Variants in RAD51 observed in about 807,000 individuals in gnomAD.
RAD51 encodes RAD51 recombinase.
RAD51 carries 14 observed loss-of-function variants against 41.5 expected under a neutral mutation model. The ratio of observed to expected loss-of-function variants is 0.34; its 90% confidence interval spans 0.22 to 0.53. RAD51 has a LOEUF of 0.53. Ranked by LOEUF, RAD51 falls within the 20% of genes least tolerant of loss-of-function variation. The pLI, the probability that RAD51 is intolerant of heterozygous loss-of-function variation, is 0.95. For synonymous variants in RAD51, 136 were observed against 148.6 expected (o/e 0.92, Z 0.62); for missense variants, 234 against 422.0 (o/e 0.55, Z 3.90).
chr15:40,714,633 T>C (rs1348442152), intron 5 of RAD51, among the ~76,000 whole-genome samples: 1 of 152,216 alleles, frequency 6.6e-6, no homozygotes, highest in Non-Finnish European at 1.5e-5. Context: ...AGAAAAAGAA[T>C]GCTAATTAAT....
intron 3 of RAD51, among the ~76,000 whole-genome samples, chr15:40,704,691 A>C (rs545814289): frequency 7.7e-6 from 1 of 129,428 alleles, no homozygotes; most frequent in African/African-American, 3.0e-5. Flanking sequence ...TTTTTTTGAG[A>C]TGGAATCTCG....
At chr15:40,699,013 A>G (rs1894824681) in intron 2 of RAD51, among the ~76,000 whole-genome samples, 168 bp downstream of exon 2, 1 of 152,206 alleles carries the variant, frequency 6.6e-6, no homozygotes, top group Non-Finnish European at 1.5e-5. Context: ...GATCATTGCT[A>G]AATATGTCTG....
chr15:40,727,669 A>G (rs11633269), intron 6 of RAD51, among the ~76,000 whole-genome samples: 74,766 of 151,190 alleles, frequency 0.49, 19,253 homozygotes, highest in East Asian at 0.77. Context: ...AAGTACTTAC[A>G]CCTGTTACAT....
At position 40,725,625 on chromosome 15, in the gene RAD51, A is replaced by T. The variant is rs554944085; in HGVS notation, c.531-3086A>T. ...ACTTGAGAACTTGTTAGAAATGCAA[A>T]TTGTCTGATGGGACTTCAGATCTAC... On this transcript the variant is annotated intron_variant, in intron 6 of 9. Coordinates refer to ENST00000267868, the MANE Select transcript of RAD51 (RefSeq NM_002875.5). Among the ~76,000 whole-genome samples the T allele has an allele frequency of 3.3e-3, 509 of 152,268 alleles. 2 individuals carry two copies. The highest frequency in any genetic ancestry group is 6.3e-3 in the Non-Finnish European group (427 of 68,006).
At chr15:40,706,691 ACT>A (rs1237802143) in intron 4 of RAD51, among the ~76,000 whole-genome samples, 3 of 151,962 alleles carry the variant, frequency 2.0e-5, no homozygotes, top group East Asian at 1.9e-4. Context: ...GACGAGCAAA[ACT>A]CTGTCTCAAA....
rs1173725893 is a variant in RAD51 at position 40,716,660 on chromosome 15, T to C, written c.436-2145T>C. Among the ~76,000 whole-genome samples the C allele has an allele frequency of 1.1e-4, 15 of 137,624 alleles. No individual in the cohort carries two copies. In the South Asian group the frequency reaches 1.3e-3, roughly 11 times the overall value. 90.3% of individuals were successfully genotyped at this position (137,624 alleles called of 152,430 possible). A position where few individuals can be genotyped will look rare whatever the true frequency, so the allele number is the denominator to read the frequency against. ...CCCATGCCTGGCCTCTCTACTTCTT[T>C]TTTTTTTTTTTTTTTTTTGAGATGG... On this transcript the variant is annotated intron_variant, in intron 5 of 9. Coordinates refer to ENST00000267868, the MANE Select transcript of RAD51 (RefSeq NM_002875.5).
chr15:40,724,289 T>A (rs2141869079), intron 6 of RAD51, among the ~76,000 whole-genome samples: 1 of 152,338 alleles, frequency 6.6e-6, no homozygotes, highest in African/African-American at 2.4e-5. Context: ...GCATTCATAC[T>A]TTTAAGTATA....
At position 40,712,877 on chromosome 15, in the gene RAD51, C is replaced by CTTTTTTTT. The variant is rs398039433; in HGVS notation, c.435+3773_435+3780dup. 3.6e-3 allele frequency among the ~76,000 whole-genome samples: 374 copies of CTTTTTTTT among 103,838 alleles called. 2 individuals are homozygous for CTTTTTTTT. The highest frequency in any genetic ancestry group is 9.9e-3 in the East Asian group (31 of 3,120). The allele number at this position is 103,838 out of a possible 152,430, so 68.1% of individuals were successfully genotyped here. On this transcript the variant is annotated intron_variant, in intron 5 of 9. Coordinates refer to ENST00000267868, the MANE Select transcript of RAD51 (RefSeq NM_002875.5). ...GTTGAGTTTTTTTTTCTTTTCTTTT[C>CTTTTTTTT]TTTTTTTTTTTTTTTTTTTGAGAAA...
chr15:40,702,253 G>A (rs771041613), intron 3 of RAD51, among the ~76,000 whole-genome samples: 2 of 152,178 alleles, frequency 1.3e-5, no homozygotes, highest in African/African-American at 4.8e-5. Flanking sequence ...GACTAAGCCA[G>A]TAGGGGTCCC....
chr15:40,730,946 C>G (rs1323522257), intron 9 of RAD51, 109 bp from the exon 10 acceptor site: 15 of 1,389,108 alleles, frequency 1.1e-5, no homozygotes, highest in Non-Finnish European at 1.5e-5. Context: ...TTCCCAGGGT[C>G]CTTCTAGGAA....
intron 6 of RAD51, 154 bp from the exon 7 acceptor site, chr15:40,728,557 T>G: frequency 1.3e-6 from 1 of 757,848 alleles, no homozygotes; most frequent in Admixed American, 1.8e-5. Context: ...TTGCCTGAAC[T>G]TCTTAATAGA....
chr15:40,723,705 T>C (rs916830512), intron 6 of RAD51, among the ~76,000 whole-genome samples: 7 of 152,092 alleles, frequency 4.6e-5, no homozygotes, highest in African/African-American at 1.7e-4. Flanking sequence ...TTTTTAGGGG[T>C]GATGAAAATG....
intron 3 of RAD51, among the ~76,000 whole-genome samples, 171 bp downstream of exon 3, chr15:40,701,372 CTTTCT>C (rs999682062): frequency 7.8e-6 from 1 of 128,316 alleles, no homozygotes; most frequent in Non-Finnish European, 1.6e-5. Context: ...TTTTTTTTTT[CTTTCT>C]TTTTTTTTTT....
In RAD51 at chr15:40,729,885, G is replaced by T; in HGVS notation, c.807G>T (p.Val269=). 6.2e-7 allele frequency: 1 copy of T among 1,614,176 alleles called. No individual in the cohort carries two copies. The highest frequency in any genetic ancestry group is 8.5e-7 in the Non-Finnish European group (1 of 1,180,018). ...FGVAVVITNQ[V]VAQVDGAAMF... ...TAGCAGTGGTAATCACTAATCAGGT[G>T]GTAGCTCAAGTGGATGGAGCAGCGA... Residue 269 remains valine, a synonymous_variant, in exon 9 of 10, where the codon GTG becomes GTT. Coordinates refer to ENST00000267868, the MANE Select transcript of RAD51 (RefSeq NM_002875.5).
At chr15:40,723,009 A>G (rs1444027598) in intron 6 of RAD51, among the ~76,000 whole-genome samples, 3 of 152,230 alleles carry the variant, frequency 2.0e-5, no homozygotes, top group Middle Eastern at 3.2e-3. Flanking sequence ...TAACCCAACA[A>G]TAAAAAGATA....
At chr15:40,719,260 T>C (rs1896145912) in intron 6 of RAD51, among the ~76,000 whole-genome samples, 2 of 151,766 alleles carry the variant, frequency 1.3e-5, no homozygotes, top group Non-Finnish European at 2.9e-5. Flanking sequence ...GGTTTCACCA[T>C]ATTGGCCAGG....
intron 5 of RAD51, among the ~76,000 whole-genome samples, chr15:40,715,054 C>A (rs1895917283): frequency 6.6e-6 from 1 of 151,978 alleles, no homozygotes; most frequent in Admixed American, 6.6e-5. Context: ...AACATAAGTA[C>A]CAGTTTTAAA....
rs1367730172 is a variant in RAD51 at position 40,698,857 on chromosome 15, G to C, written c.87+12G>C. 6.2e-7 allele frequency: 1 copy of C among 1,611,978 alleles called. No individual in the cohort carries two copies. The highest frequency in any genetic ancestry group is 8.5e-7 in the Non-Finnish European group (1 of 1,178,018). ...TTTCACGGTTAGAGGTATGTGGTTAGTTGCTAATTTTGGAATTATATACTA... is the reference window on the plus strand; with the variant it reads ...TTTCACGGTTAGAGGTATGTGGTTACTTGCTAATTTTGGAATTATATACTA... On this transcript the variant is annotated intron_variant, in intron 2 of 9. Transcript: ENST00000267868.
At chr15:40,701,677 C>T in intron 3 of RAD51, 3 of 219,326 alleles carry the variant, frequency 1.4e-5, no homozygotes, top group Non-Finnish European at 2.8e-5. Context: ...CATACTTCCC[C>T]ATGGTTACAT....
Sources: allele counts gnomAD v4.1 joint callset (sites outside exome capture counted in the v4.1 genomes callset), GRCh38; gene constraint gnomAD v4.1.1; transcripts MANE v1.5; gene names NCBI Gene and HGNC (gene_info 2026-07-23, HGNC 2026-07-21).